Variants in PARN observed in about 807,000 individuals in gnomAD.
PARN encodes the protein poly(A)-specific ribonuclease PARN.
A neutral mutation model predicts 102.8 loss-of-function variants in PARN; 71 were observed. That is an observed-to-expected ratio of 0.69 (90% CI 0.57 to 0.84). The LOEUF (loss-of-function observed/expected upper bound fraction) is 0.84. Ranked by LOEUF, PARN falls within the 40% of genes least tolerant of loss-of-function variation. PARN has a pLI of 0.00. For missense variants in PARN, 782 were observed against 760.9 expected (o/e 1.03, Z -0.33); for synonymous variants, 261 against 252.9 (o/e 1.03, Z -0.30).
chr16:14,620,205 G>A (rs939539600), intron 5 of PARN, among the ~76,000 whole-genome samples: 3 of 151,038 alleles, frequency 2.0e-5, no homozygotes, highest in Non-Finnish European at 2.9e-5. Flanking sequence ...GTGAAACCCC[G>A]TCTCTACTAA....
chr16:14,491,145 G>C (rs1286581400), intron 21 of PARN, among the ~76,000 whole-genome samples: 3 of 151,560 alleles, frequency 2.0e-5, no homozygotes, highest in Non-Finnish European at 4.4e-5. Flanking sequence ...GGCAAGCCCA[G>C]AAAATGACAG....
chr16:14,558,614 A>T (rs867020579), intron 18 of PARN: 1 of 152,184 alleles, frequency 6.6e-6, no homozygotes. Flanking sequence ...ATCAAAATCA[A>T]CCTCAAGATT....
chr16:14,593,599 G>C (rs1430654293), intron 12 of PARN, among the ~76,000 whole-genome samples: 1 of 146,926 alleles, frequency 6.8e-6, no homozygotes, highest in South Asian at 2.1e-4. Context: ...CAAAGTGAAA[G>C]CACAAATGAC....
At chr16:14,603,797 G>C (rs1034357742) in intron 11 of PARN, among the ~76,000 whole-genome samples, 1 of 152,176 alleles carries the variant, frequency 6.6e-6, no homozygotes, top group African/African-American at 2.4e-5. Context: ...CATGTGCTCT[G>C]AACTTGGTTT....
intron 21 of PARN, among the ~76,000 whole-genome samples, chr16:14,510,255 CA>C (rs1414820096): frequency 6.6e-6 from 1 of 152,050 alleles, no homozygotes; most frequent in East Asian, 1.9e-4. Context: ...TTAGTTTTGC[CA>C]AAAAATAAGT....
intron 22 of PARN, among the ~76,000 whole-genome samples, chr16:14,456,972 C>G (rs1961710133): frequency 6.6e-6 from 1 of 152,186 alleles, no homozygotes; most frequent in South Asian, 2.1e-4. Context: ...AATGTACGTT[C>G]CATGAGAGCA....
At chr16:14,448,086 G>A (rs547528023) in intron 22 of PARN, among the ~76,000 whole-genome samples, 28 of 152,106 alleles carry the variant, frequency 1.8e-4, no homozygotes, top group African/African-American at 5.5e-4. Context: ...CCGGATTCAA[G>A]TGACTCTCCT....
At position 14,482,668 on chromosome 16, in the gene PARN, G is replaced by C. The variant is rs1408788429; in HGVS notation, c.1640C>G (p.Thr547Ser). Reference sequence around the variant, plus strand: ...GTTGCGGTAATAGTGATTCTGCAGGGTGTAGGGTATGCACTGGGGGTTTAA... The same window carrying C: ...GTTGCGGTAATAGTGATTCTGCAGGCTGTAGGGTATGCACTGGGGGTTTAA... Reference protein sequence around the residue: ...KRLNPQCIPYTLQNHYYRNNS... With the variant: ...KRLNPQCIPYSLQNHYYRNNS... Residue 547 changes from threonine to serine, a missense_variant, in exon 22 of 24, where the codon ACC becomes AGC. By Grantham distance (58) the Thr-to-Ser change is moderately conservative (BLOSUM62 1). Transcript: ENST00000437198. 6.2e-7 allele frequency: 1 copy of C among 1,613,150 alleles called. No individual in the cohort carries two copies. The highest frequency in any genetic ancestry group is 2.2e-5 in the East Asian group (1 of 44,850).
At chr16:14,534,047 C>T (rs150328335) in intron 21 of PARN, among the ~76,000 whole-genome samples, 1 of 152,010 alleles carries the variant, frequency 6.6e-6, no homozygotes. Context: ...CATGGTGAAA[C>T]CCCATCTCTC....
chr16:14,529,760 T>C (rs182305800), intron 21 of PARN, among the ~76,000 whole-genome samples: 1 of 152,256 alleles, frequency 6.6e-6, no homozygotes, highest in East Asian at 1.9e-4. Flanking sequence ...TATCATCCTC[T>C]TATGGAGCCC....
At chr16:14,558,224 G>C (rs1233526662) in intron 18 of PARN, 1 of 152,220 alleles carries the variant, frequency 6.6e-6, no homozygotes, top group African/African-American at 2.4e-5. Context: ...CCTGAGGTCA[G>C]GAGTTTGAGA....
chr16:14,543,152 C>G (rs940355202), intron 21 of PARN, among the ~76,000 whole-genome samples: 1 of 152,044 alleles, frequency 6.6e-6, no homozygotes, highest in Non-Finnish European at 1.5e-5. Context: ...ACCATGGAGG[C>G]CAGAAGACAG....
chr16:14,616,963 G>C (rs1685793202), intron 6 of PARN, among the ~76,000 whole-genome samples: 1 of 151,816 alleles, frequency 6.6e-6, no homozygotes, highest in East Asian at 1.9e-4. Context: ...TCACGCCAGT[G>C]GTAGAATAAA....
At chr16:14,609,849 G>A (rs963807209) in intron 7 of PARN, among the ~76,000 whole-genome samples, 2 of 152,182 alleles carry the variant, frequency 1.3e-5, no homozygotes, top group African/African-American at 4.8e-5. Flanking sequence ...CTGCCTTCAA[G>A]GACATTGGAC....
chr16:14,588,153 C>T (rs551416424), intron 13 of PARN, among the ~76,000 whole-genome samples: 3 of 152,176 alleles, frequency 2.0e-5, no homozygotes, highest in East Asian at 3.9e-4. Context: ...AAAGCTGCAC[C>T]GCGGAAAGTT....
rs1286216193 is a variant in PARN at position 14,552,068 on chromosome 16, T to C, written c.1433A>G (p.Asp478Gly). Reference protein sequence around the residue: ...FGNIQISWIDDTSAFVSLSQP... With the variant: ...FGNIQISWIDGTSAFVSLSQP... ...GCTAAGGGAAACAAATGCTGATGTG[T>C]CATCAATCCAGGATATCTGAATGTT... Residue 478 changes from aspartate (D) to glycine (G), a missense_variant, in exon 21 of 24, where the codon GAC becomes GGC. Coordinates refer to ENST00000437198, the MANE Select transcript of PARN (RefSeq NM_002582.4). 1.1e-5 allele frequency: 17 copies of C among 1,611,882 alleles called. No individual in the cohort carries two copies. The highest frequency in any genetic ancestry group is 1.4e-5 in the Non-Finnish European group (16 of 1,178,442).
At chr16:14,458,385 CA>C (rs1451262045) in intron 22 of PARN, among the ~76,000 whole-genome samples, 2 of 152,058 alleles carry the variant, frequency 1.3e-5, no homozygotes, top group African/African-American at 4.8e-5. Flanking sequence ...CCCTGCAAAC[CA>C]AAAGGCCAAC....
chr16:14,587,050 T>C (rs1221077404), intron 13 of PARN, among the ~76,000 whole-genome samples: 2 of 152,264 alleles, frequency 1.3e-5, no homozygotes, highest in Non-Finnish European at 2.9e-5. Flanking sequence ...ATTGCCATGC[T>C]AGACTGAGTA....
At chr16:14,599,590 A>T (rs770399679) in intron 12 of PARN, among the ~76,000 whole-genome samples, 13 of 152,130 alleles carry the variant, frequency 8.5e-5, no homozygotes, top group Non-Finnish European at 1.6e-4. Context: ...CTTATTCCTT[A>T]CTTTCTTTTT....
Sources: allele counts gnomAD v4.1 joint callset (sites outside exome capture counted in the v4.1 genomes callset), GRCh38; gene constraint gnomAD v4.1.1; transcripts MANE v1.5; gene names NCBI Gene and HGNC (gene_info 2026-07-23, HGNC 2026-07-21).